Variants in CLDN14 observed in about 807,000 individuals in gnomAD.
CLDN14 encodes claudin 14.
A neutral mutation model predicts 2.1 loss-of-function variants in CLDN14; 2 were observed. The ratio of observed to expected loss-of-function variants is 0.96; its 90% CI spans 0.39 to 3.01. The LOEUF is 3.01. Ranked by LOEUF, CLDN14 falls within the 30% of genes most tolerant of loss-of-function variation. CLDN14 has a pLI of 0.09. For missense variants in CLDN14, 298 were observed against 328.0 expected (o/e 0.91, Z 0.71); for synonymous variants, 136 against 154.4 (o/e 0.88, Z 0.88).
chr21:36,509,793 A>G (rs1391432632), intron 2 of CLDN14, among the ~76,000 whole-genome samples: 1 of 152,062 alleles, frequency 6.6e-6, no homozygotes, highest in Non-Finnish European at 1.5e-5. Flanking sequence ...ATGGGGTTTC[A>G]CTGTGCTGAC....
intron 1 of CLDN14, among the ~76,000 whole-genome samples, chr21:36,563,204 C>T (rs987872936): frequency 3.3e-5 from 5 of 152,134 alleles, no homozygotes; most frequent in East Asian, 1.9e-4. Flanking sequence ...AAGTTAATCA[C>T]GGAGGGCTTT....
chr21:36,490,385 A>ATTTTTTTTTTT (rs71198817), intron 2 of CLDN14, among the ~76,000 whole-genome samples: 51 of 102,058 alleles, frequency 5.0e-4, no homozygotes, highest in East Asian at 9.7e-4. Flanking sequence ...TTTTTTTTTA[A>ATTTTTTTTTTT]TTTTTTTTTT....
chr21:36,565,257 C>G (rs2087664695), intron 1 of CLDN14, among the ~76,000 whole-genome samples: 1 of 152,194 alleles, frequency 6.6e-6, no homozygotes, highest in Non-Finnish European at 1.5e-5. Context: ...GTCAGTTTGT[C>G]TCTCAGCCCA....
Position 36,555,505 on chromosome 21 carries a change from T to C in CLDN14, c.-220+20906A>G, listed in dbSNP as rs558051958. Among the ~76,000 whole-genome samples the C allele has an allele frequency of 2.6e-5, 4 of 152,270 alleles. No individual in the cohort carries two copies. The East Asian group carries it at 7.7e-4, about 29-fold the overall frequency. On this transcript the variant is annotated intron_variant, in intron 1 of 2. Transcript: ENST00000342108. ...CGTAAGTTTTCTCAACGTTCAAATG[T>C]TTCCAATGTTTTGTAAAACCAAAGA...
intron 1 of CLDN14, among the ~76,000 whole-genome samples, chr21:36,553,973 G>A (rs1201956024): frequency 6.6e-6 from 1 of 152,150 alleles, no homozygotes; most frequent in Non-Finnish European, 1.5e-5. Context: ...AGTCCTGGAG[G>A]TGGCCTTCAA....
intron 1 of CLDN14, among the ~76,000 whole-genome samples, chr21:36,567,766 T>G (rs1458774429): frequency 1.3e-5 from 2 of 152,174 alleles, no homozygotes; most frequent in Non-Finnish European, 2.9e-5. Flanking sequence ...CTGAGCAAAA[T>G]TACCCTGGCC....
At chr21:36,548,089 C>T (rs1402889614) in intron 1 of CLDN14, among the ~76,000 whole-genome samples, 1 of 152,094 alleles carries the variant, frequency 6.6e-6, no homozygotes, top group African/African-American at 2.4e-5. Context: ...CTGCACTCCC[C>T]TCCACTGCAG....
At chr21:36,507,099 G>C (rs1568863131) in intron 2 of CLDN14, among the ~76,000 whole-genome samples, 1 of 151,426 alleles carries the variant, frequency 6.6e-6, no homozygotes, top group Non-Finnish European at 1.5e-5. Context: ...CTCCAGCCTG[G>C]GCAACAGAAT....
intron 1 of CLDN14, among the ~76,000 whole-genome samples, chr21:36,561,961 T>TC (rs2087638838): frequency 6.6e-6 from 1 of 152,198 alleles, no homozygotes; most frequent in South Asian, 2.1e-4. Context: ...CTTTCAAGAC[T>TC]CTTGTTTTGC....
At chr21:36,565,656 C>T (rs1352711356) in intron 1 of CLDN14, among the ~76,000 whole-genome samples, 1 of 152,202 alleles carries the variant, frequency 6.6e-6, no homozygotes, top group African/African-American at 2.4e-5. Flanking sequence ...CTCTGAACAT[C>T]GGGGAGAGGG....
At chr21:36,523,676 A>T (rs1355899277) in intron 1 of CLDN14, among the ~76,000 whole-genome samples, 2 of 144,642 alleles carry the variant, frequency 1.4e-5, no homozygotes, top group East Asian at 4.4e-4. Context: ...TGGACCCGGG[A>T]GGTGGAGGTT....
intron 2 of CLDN14, among the ~76,000 whole-genome samples, chr21:36,492,215 A>ACC (rs2086973623): frequency 8.0e-6 from 1 of 125,452 alleles, no homozygotes; most frequent in Non-Finnish European, 1.6e-5. Context: ...CGGGTGGATC[A>ACC]TGAGGTCAGG....
In CLDN14 at chr21:36,498,069, G is replaced by A. The variant is rs1424927108; in HGVS notation, c.-82+12294C>T. On this transcript the variant is annotated intron_variant, in intron 2 of 2. Transcript: ENST00000342108. This position sits in a 1 kb window ranked among gnomAD's most constrained non-coding sequence, Gnocchi z 4.9. ...GGCTGGAGTGCAGTGGTGCAATCTT[G>A]GCTCACTGCAACCTCCACCGCCCGG... 1.3e-5 allele frequency among the ~76,000 whole-genome samples: 2 copies of A among 151,064 alleles called. No individual in the cohort carries two copies. The highest frequency in any genetic ancestry group is 3.9e-4 in the East Asian group (2 of 5,142).
chr21:36,533,999 TTAAA>T (rs1425070487), intron 1 of CLDN14, among the ~76,000 whole-genome samples: 1 of 152,180 alleles, frequency 6.6e-6, no homozygotes, highest in African/African-American at 2.4e-5. Context: ...AAAATAAAAC[TTAAA>T]TAAATTGGTA....
At chr21:36,516,856 T>C (rs555624353) in intron 1 of CLDN14, among the ~76,000 whole-genome samples, 21 of 152,228 alleles carry the variant, frequency 1.4e-4, no homozygotes, top group Non-Finnish European at 2.9e-4. Flanking sequence ...ATTTTGCCTT[T>C]TTGAGATGGA....
intron 1 of CLDN14, among the ~76,000 whole-genome samples, chr21:36,531,689 T>C (rs2087381295): frequency 6.7e-6 from 1 of 149,558 alleles, no homozygotes; most frequent in Non-Finnish European, 1.5e-5. Flanking sequence ...TCAGTCTTTG[T>C]CTGTTTTTTT....
intron 1 of CLDN14, among the ~76,000 whole-genome samples, chr21:36,527,779 T>A (rs907377491): frequency 6.6e-6 from 1 of 152,236 alleles, no homozygotes; most frequent in South Asian, 2.1e-4. Context: ...TGAAATCTAA[T>A]GTCCTAATTT....
chr21:36,516,338 A>T (rs549739410), intron 1 of CLDN14, among the ~76,000 whole-genome samples: 3 of 152,070 alleles, frequency 2.0e-5, no homozygotes, highest in South Asian at 2.1e-4. Flanking sequence ...TATCTTTGTC[A>T]TTTATTGTAA....
In CLDN14 at chr21:36,461,469, T is replaced by G. The variant is rs1218388715; in HGVS notation, c.227A>C (p.Asp76Ala). 2 of 1,613,092 alleles carry G rather than the reference T, an allele frequency of 1.2e-6. No individual in the cohort carries two copies. Among genetic ancestry groups the G allele is most frequent in the East Asian group, 4.5e-5 (2 of 44,856 alleles). The change falls in exon 2 of 2, where the codon GAC becomes GCC. Residue 76 changes from aspartate to alanine, a missense_variant. By Grantham distance (126) the Asp-to-Ala change is moderately radical (BLOSUM62 -2). Coordinates refer to ENST00000399135, the MANE Select transcript of CLDN14 (RefSeq NM_001146079.2). Reference protein sequence around the residue: ...IYRSLLALPQDLQAARALMVI... With the variant: ...IYRSLLALPQALQAARALMVI... The stretch of plus-strand genomic sequence containing the variant: ...CATGAGGGCGCGGGCAGCCTGGAGG[T>G]CTTGGGGCAGCGCCAGCAGGGATCG...
Sources: gnomAD v4.1 joint callset for allele counts (sites outside exome capture counted in the v4.1 genomes callset) on GRCh38, gnomAD v4.1.1 for gene constraint, Gnocchi (gnomAD v3.1) non-coding constraint, MANE v1.5 for transcripts, NCBI Gene and HGNC (gene_info 2026-07-23, HGNC 2026-07-21) for gene names.